The following PKHD1 variants were observed in gnomAD, a reference collection of about 807,000 sequenced individuals.
PKHD1 encodes the protein fibrocystin.
Under a neutral mutation model 412.0 loss-of-function variants are expected in PKHD1, and 291 were observed. The observed-to-expected ratio is 0.71, with a 90% CI of 0.64 to 0.78. The LOEUF (loss-of-function observed/expected upper bound fraction) is 0.78. PKHD1 is among the 30% of genes least tolerant of loss of function. The probability of loss-of-function intolerance (pLI) is 0.00; values close to 1 mark genes in which losing one functional copy is unlikely to be tolerated. For missense variants in PKHD1, 4,825 were observed against 4,950.7 expected, an observed-to-expected ratio of 0.97 and a Z score of 0.76; for synonymous variants, 1,777 against 1,821.5, an observed-to-expected ratio of 0.98 and a Z score of 0.62.
chr6:51,673,108 A>C (rs1775264760), intron 60 of PKHD1, among the ~76,000 whole-genome samples: 1 of 152,240 alleles, frequency 6.6e-6, no homozygotes, highest in African/African-American at 2.4e-5. Context: ...ATACCAAAAT[A>C]GAACTCTGAC....
At chr6:51,634,280 A>G (rs961040257) in intron 64 of PKHD1, among the ~76,000 whole-genome samples, 12 of 152,152 alleles carry the variant, frequency 7.9e-5, no homozygotes, top group South Asian at 6.2e-4. Context: ...CAGATCTTCA[A>G]TCTCTTGACT....
chr6:51,951,237 A>AT (rs561771794), intron 36 of PKHD1, among the ~76,000 whole-genome samples: 5 of 152,278 alleles, frequency 3.3e-5, no homozygotes, highest in African/African-American at 1.2e-4. Context: ...AGCTTCTAGC[A>AT]TTTAAGTGCT....
intron 40 of PKHD1, 32 bp from the exon 41 acceptor site, chr6:51,906,372 T>C: frequency 6.3e-7 from 1 of 1,589,296 alleles, no homozygotes; most frequent in Non-Finnish European, 8.6e-7. Flanking sequence ...AAAAATTAGA[T>C]ATGGCTCCTG....
chr6:51,789,697 C>G (rs1438046268), intron 53 of PKHD1, among the ~76,000 whole-genome samples: 1 of 152,132 alleles, frequency 6.6e-6, no homozygotes, highest in African/African-American at 2.4e-5. Flanking sequence ...ACATAATTCT[C>G]TTTGTTTTTC....
In PKHD1 at chr6:51,809,898, A is replaced by T. The variant is rs572794079; in HGVS notation, c.8303-18525T>A. Reference sequence around the variant, plus strand: ...AAAAAAAAAACATAGGCTTACCAGTAATTGTTTTCCTGCTTCTTTCAAGTG... The same window carrying T: ...AAAAAAAAAACATAGGCTTACCAGTTATTGTTTTCCTGCTTCTTTCAAGTG... On this transcript the variant is annotated intron_variant, in intron 52 of 66. Transcript: ENST00000371117. 4.1e-4 allele frequency among the ~76,000 whole-genome samples: 62 copies of T among 150,688 alleles called. 1 individual carries two copies. The highest frequency in any genetic ancestry group is 1.4e-3 in the African/African-American group (59 of 41,198).
At position 51,739,135 on chromosome 6, in the gene PKHD1, AATAC is replaced by A. The variant is rs954553769; in HGVS notation, c.10156+5246_10156+5249del. ...TATATATTTTTTTACATATATATAA[AATAC>A]ATACATACACACATATAAAATATAC... On this transcript the variant is annotated intron_variant, in intron 60 of 66. Coordinates refer to ENST00000371117, the MANE Select transcript of PKHD1 (RefSeq NM_138694.4). 6.3e-4 allele frequency among the ~76,000 whole-genome samples: 94 copies of A among 148,076 alleles called. 1 individual carries two copies. Among genetic ancestry groups the A allele is most frequent in the Middle Eastern group, 3.6e-3 (1 of 278 alleles).
chr6:51,727,696 G>A (rs534466545), intron 60 of PKHD1, among the ~76,000 whole-genome samples: 20 of 152,148 alleles, frequency 1.3e-4, no homozygotes, highest in Non-Finnish European at 2.6e-4. Context: ...CTGCTGGTGT[G>A]CCCCTGGAAA....
intron 46 of PKHD1, among the ~76,000 whole-genome samples, chr6:51,882,398 GAAATAA>G (rs1170974971): frequency 6.6e-6 from 1 of 152,142 alleles, no homozygotes; most frequent in African/African-American, 2.4e-5. Flanking sequence ...CTATAGCTGT[GAAATAA>G]ATAATCTTCA....
rs532255001 is a variant in PKHD1, at chr6:51,638,816, A to C, written c.11506+33T>G. On this transcript the variant is annotated intron_variant, in intron 64 of 66. Coordinates refer to ENST00000371117, the MANE Select transcript of PKHD1 (RefSeq NM_138694.4). The stretch of plus-strand genomic sequence containing the variant: ...TATCTTCTCAAAAAAAAAAAAAAAA[A>C]ACACAGAATAAAAGCACACTGTATA... 389 of 1,321,670 alleles carry C rather than the reference A, an allele frequency of 2.9e-4. 2 individuals are homozygous for C. The highest frequency in any genetic ancestry group is 2.0e-3 in the African/African-American group (134 of 67,532). The allele number at this position is 1,321,670 out of a possible 1,614,324, so 81.9% of individuals were successfully genotyped here.
chr6:52,047,304 G>A (rs768807733), intron 23 of PKHD1, among the ~76,000 whole-genome samples: 5 of 152,058 alleles, frequency 3.3e-5, no homozygotes, highest in African/African-American at 1.2e-4. Flanking sequence ...AGGGATCTTC[G>A]ACTTCTCCTG....
At chr6:52,072,806 C>T (rs960143532) in intron 7 of PKHD1, among the ~76,000 whole-genome samples, 1 of 152,120 alleles carries the variant, frequency 6.6e-6, no homozygotes, top group African/African-American at 2.4e-5. Context: ...AGATCATTTT[C>T]CTTCTACCTT....
At chr6:51,924,263 G>A (rs1007316587) in intron 37 of PKHD1, among the ~76,000 whole-genome samples, 17 of 152,098 alleles carry the variant, frequency 1.1e-4, no homozygotes, top group Admixed American at 5.9e-4. Flanking sequence ...ACAAAGTTGA[G>A]TTTCTTGTGG....
intron 60 of PKHD1, among the ~76,000 whole-genome samples, chr6:51,717,702 A>G (rs2150802166): frequency 6.6e-6 from 1 of 152,316 alleles, no homozygotes; most frequent in South Asian, 2.1e-4. Context: ...CACACTCCTC[A>G]GAACATATCA....
At chr6:51,651,184 T>G (rs1770903555) in intron 61 of PKHD1, among the ~76,000 whole-genome samples, 1 of 152,172 alleles carries the variant, frequency 6.6e-6, no homozygotes, top group Non-Finnish European at 1.5e-5. Flanking sequence ...CAAACATCTC[T>G]TGTTAAATGT....
intron 62 of PKHD1, among the ~76,000 whole-genome samples, chr6:51,648,486 A>G (rs1459832575): frequency 6.6e-6 from 1 of 152,210 alleles, no homozygotes; most frequent in Non-Finnish European, 1.5e-5. Context: ...ACAGGTTTTC[A>G]AGTGTGGACC....
chr6:52,000,927 A>T (rs1409456829), intron 35 of PKHD1, among the ~76,000 whole-genome samples: 2 of 152,188 alleles, frequency 1.3e-5, no homozygotes, highest in Non-Finnish European at 2.9e-5. Context: ...TGTTCAGATG[A>T]GTTTAAGCTG....
intron 27 of PKHD1, among the ~76,000 whole-genome samples, 164 bp from the exon 28 acceptor site, chr6:52,035,885 C>G (rs568592388): frequency 6.6e-6 from 1 of 152,180 alleles, no homozygotes; most frequent in South Asian, 2.1e-4. Context: ...AATATATAAA[C>G]TATCATATAG....
chr6:51,720,533 C>G (rs1031702813), intron 60 of PKHD1, among the ~76,000 whole-genome samples: 5 of 152,140 alleles, frequency 3.3e-5, no homozygotes, highest in African/African-American at 1.2e-4. Context: ...CATGCTTTTT[C>G]TGGCCAACTC....
rs1336771549 is a variant in PKHD1, at chr6:52,050,227, A to T, written c.2209T>A (p.Ser737Thr). 5 of 1,614,004 alleles carry T rather than the reference A, an allele frequency of 3.1e-6. No homozygotes were observed. The Admixed American group carries it at 8.3e-5, about 27-fold the overall frequency. ...GAGGTGACACTGTAGACCGGAGGGG[A>T]TCCCACCACAGAGACTGATTCCACC... ...NLVESVSVVGSPPVYSVTSWL... is the reference protein window; with the variant it reads ...NLVESVSVVGTPPVYSVTSWL... The change falls in exon 22 of 67, where the codon TCC (serine) becomes ACC (threonine). Residue 737 changes from serine to threonine, a missense_variant. Coordinates refer to ENST00000371117, the MANE Select transcript of PKHD1 (RefSeq NM_138694.4).
Sources: allele counts gnomAD v4.1 joint callset (sites outside exome capture counted in the v4.1 genomes callset), GRCh38; gene constraint gnomAD v4.1.1; transcripts MANE v1.5; gene names NCBI Gene and HGNC (gene_info 2026-07-23, HGNC 2026-07-21).